Variants in SDK1 observed in about 807,000 individuals in gnomAD.
SDK1 encodes sidekick cell adhesion molecule 1.
SDK1 carries 157 observed loss-of-function variants against 245.5 expected under a neutral mutation model. The ratio of observed to expected loss-of-function variants is 0.64; its 90% confidence interval spans 0.56 to 0.73. The LOEUF is 0.73. Among genes scored for constraint, SDK1 ranks in the 30% least tolerant of loss-of-function variants. The probability of loss-of-function intolerance (pLI) is 0.00; values close to 1 mark genes in which losing one functional copy is unlikely to be tolerated. For synonymous variants in SDK1, 1,647 were observed against 1,278.5 expected (o/e 1.29, Z -6.15); for missense variants, 3,583 against 3,002.3 (o/e 1.19, Z -4.52).
At chr7:4,175,708 C>G (rs1252924276) in intron 33 of SDK1, 67 bp from the exon 34 acceptor site, 2 of 1,324,386 alleles carry the variant, frequency 1.5e-6, no homozygotes, top group African/African-American at 2.9e-5. Flanking sequence ...TTGTTCCTGC[C>G]GCACATCACC....
intron 4 of SDK1, among the ~76,000 whole-genome samples, chr7:3,666,526 G>A (rs1275518582): frequency 6.6e-6 from 1 of 152,176 alleles, no homozygotes; most frequent in Non-Finnish European, 1.5e-5. Flanking sequence ...CCTGGGGTCT[G>A]GCGACACCTC....
At chr7:4,100,669 G>A (rs1474858333) in intron 22 of SDK1, among the ~76,000 whole-genome samples, 1 of 152,064 alleles carries the variant, frequency 6.6e-6, no homozygotes, top group African/African-American at 2.4e-5. Context: ...TGACCCCCTG[G>A]TCCCTTCAGT....
intron 17 of SDK1, among the ~76,000 whole-genome samples, chr7:4,043,765 G>A (rs942582977): frequency 1.3e-5 from 2 of 151,988 alleles, no homozygotes; most frequent in Non-Finnish European, 2.9e-5. Flanking sequence ...TTACTTTAGA[G>A]AATTTAACAA....
chr7:3,591,311 T>C (rs1457813084), intron 1 of SDK1, among the ~76,000 whole-genome samples: 1 of 152,206 alleles, frequency 6.6e-6, no homozygotes, highest in Non-Finnish European at 1.5e-5. Context: ...CAGTAGCCCC[T>C]TTTTAAACTG....
chr7:4,135,839 G>A (rs923933743), intron 28 of SDK1, among the ~76,000 whole-genome samples: 1 of 152,208 alleles, frequency 6.6e-6, no homozygotes, highest in African/African-American at 2.4e-5. Flanking sequence ...GAGGCTCCCT[G>A]GACTTGAGAG....
intron 17 of SDK1, among the ~76,000 whole-genome samples, chr7:4,039,480 C>T (rs1788454545): frequency 6.6e-6 from 1 of 152,110 alleles, no homozygotes; most frequent in Non-Finnish European, 1.5e-5. Flanking sequence ...ATTTTGATTG[C>T]ATACATCCTC....
chr7:4,161,035 G>C (rs1038670353), intron 31 of SDK1, among the ~76,000 whole-genome samples: 2 of 152,174 alleles, frequency 1.3e-5, no homozygotes, highest in African/African-American at 4.8e-5. Flanking sequence ...TCACACTTCT[G>C]CTGGGCCCCC....
intron 38 of SDK1, among the ~76,000 whole-genome samples, chr7:4,215,126 C>T (rs1784719548): frequency 6.6e-6 from 1 of 152,230 alleles, no homozygotes; most frequent in Admixed American, 6.5e-5. Flanking sequence ...GACACTAACC[C>T]CAGGCCTGTC....
chr7:3,408,672 C>G (rs1232356004), intron 1 of SDK1, among the ~76,000 whole-genome samples: 3 of 152,056 alleles, frequency 2.0e-5, no homozygotes, highest in Non-Finnish European at 2.9e-5. Context: ...TCAATTTGAC[C>G]TGTACTTGAA....
intron 41 of SDK1, among the ~76,000 whole-genome samples, chr7:4,234,226 G>C (rs1005456496): frequency 6.6e-6 from 1 of 152,206 alleles, no homozygotes; most frequent in African/African-American, 2.4e-5. Context: ...TGCAGGTGAA[G>C]GTACTGCCGA....
chr7:3,971,029 T>C (rs1430165934), intron 11 of SDK1, among the ~76,000 whole-genome samples: 1 of 152,166 alleles, frequency 6.6e-6, no homozygotes, highest in Non-Finnish European at 1.5e-5. Context: ...AATAGTAATA[T>C]TTAGCCCTCA....
chr7:3,841,849 C>T (rs1227743577), intron 5 of SDK1, among the ~76,000 whole-genome samples: 3 of 152,198 alleles, frequency 2.0e-5, no homozygotes, highest in African/African-American at 7.2e-5. Context: ...AAGAGTGAGC[C>T]ACTGCACCAG....
intron 1 of SDK1, among the ~76,000 whole-genome samples, chr7:3,345,085 G>C (rs1321619034): frequency 6.6e-6 from 1 of 152,134 alleles, no homozygotes; most frequent in African/African-American, 2.4e-5. Context: ...TTGAAGTCTT[G>C]TTGTAGAACT....
At chr7:3,378,764 G>T (rs1475928154) in intron 1 of SDK1, among the ~76,000 whole-genome samples, 3 of 151,996 alleles carry the variant, frequency 2.0e-5, no homozygotes, top group Non-Finnish European at 4.4e-5. Context: ...CAGGGGAAGG[G>T]CAGGGAGCAT....
intron 1 of SDK1, among the ~76,000 whole-genome samples, chr7:3,427,641 A>G (rs140241845): frequency 3.2e-4 from 49 of 151,742 alleles, no homozygotes; most frequent in African/African-American, 1.1e-3. Flanking sequence ...CATCTTTTCT[A>G]TGACTTGGTG....
intron 22 of SDK1, among the ~76,000 whole-genome samples, chr7:4,097,308 G>A (rs183781116): frequency 5.9e-5 from 9 of 152,340 alleles, no homozygotes; most frequent in African/African-American, 1.9e-4. Flanking sequence ...GTACAGTAAC[G>A]TCCTGTATTT....
chr7:3,810,698 C>T (rs1484108603), intron 4 of SDK1, among the ~76,000 whole-genome samples: 1 of 152,204 alleles, frequency 6.6e-6, no homozygotes, highest in Non-Finnish European at 1.5e-5. Flanking sequence ...TCTGTCCCTC[C>T]TACTAGACAG....
At chr7:3,888,966 T>G (rs1781396858) in intron 5 of SDK1, among the ~76,000 whole-genome samples, 1 of 152,236 alleles carries the variant, frequency 6.6e-6, no homozygotes, top group South Asian at 2.1e-4. Flanking sequence ...AGTGGAGATC[T>G]AGGAATAGCA....
At chr7:3,929,843 C>G (rs140491836) in intron 5 of SDK1, among the ~76,000 whole-genome samples, 9 of 152,232 alleles carry the variant, frequency 5.9e-5, no homozygotes, top group African/African-American at 1.4e-4. Flanking sequence ...TATAAGGAAG[C>G]TGGCTCACAG....
Sources: allele counts gnomAD v4.1 joint callset (sites outside exome capture counted in the v4.1 genomes callset), GRCh38; gene constraint gnomAD v4.1.1; transcripts MANE v1.5; gene names NCBI Gene and HGNC (gene_info 2026-07-23, HGNC 2026-07-21).